Variants in DACH2 observed in about 807,000 individuals in gnomAD.
DACH2 encodes dachshund homolog 2.
Under a neutral mutation model 35.8 loss-of-function variants are expected in DACH2, and 17 were observed. That is an observed-to-expected ratio of 0.48 (90% CI 0.33 to 0.71). The LOEUF is 0.71. Ranked by LOEUF, DACH2 falls within the 30% of genes least tolerant of loss-of-function variation. The pLI, the probability that DACH2 is intolerant of heterozygous loss-of-function variation, is 0.02. For synonymous variants in DACH2, 195 were observed against 177.3 expected (o/e 1.10, Z -0.79); for missense variants, 469 against 472.7 (o/e 0.99, Z 0.07).
chrX:86,311,725 C>T (rs1316597258), intron 1 of DACH2, among the ~76,000 whole-genome samples: 1 of 111,278 alleles, frequency 9.0e-6, no homozygotes, highest in Non-Finnish European at 1.9e-5. Flanking sequence ...TTCCATTGAA[C>T]TGAAAGTTAA....
intron 1 of DACH2, among the ~76,000 whole-genome samples, chrX:86,230,544 T>C (rs1447814443): frequency 9.0e-6 from 1 of 111,456 alleles, no homozygotes; most frequent in African/African-American, 3.3e-5. Context: ...TCTTGTGGAA[T>C]AGTGTCAAAA....
chrX:86,700,156 C>G (rs2041124058), intron 5 of DACH2, among the ~76,000 whole-genome samples: 2 of 110,187 alleles, frequency 1.8e-5, no homozygotes, highest in South Asian at 7.5e-4. Flanking sequence ...TCTCAATTTT[C>G]TGAGATTTTT....
chrX:86,765,702 T>G (rs113155136), intron 7 of DACH2, among the ~76,000 whole-genome samples: 1 of 94,235 alleles, frequency 1.1e-5, no homozygotes, highest in Non-Finnish European at 2.1e-5. Context: ...TTTTTGGTTT[T>G]TTTTTTTTTT....
At chrX:86,334,466 T>C (rs4323619) in intron 1 of DACH2, among the ~76,000 whole-genome samples, 25,791 of 111,277 alleles carry the variant, frequency 0.23, 3,964 homozygotes, top group African/African-American at 0.56. Context: ...TGATGTGAGA[T>C]GGTATCTCAT....
intron 1 of DACH2, among the ~76,000 whole-genome samples, chrX:86,301,358 A>G (rs781139919): frequency 1.2e-4 from 13 of 112,009 alleles, no homozygotes; most frequent in Non-Finnish European, 2.1e-4. Context: ...ATTACTGAAG[A>G]CATTTTAATT....
At chrX:86,719,932 CT>C (rs57079697) in intron 6 of DACH2, among the ~76,000 whole-genome samples, 1 of 75,586 alleles carries the variant, frequency 1.3e-5, no homozygotes, top group Non-Finnish European at 2.4e-5. Context: ...TTTCTTTTTT[CT>C]TTTTTTTTTC....
At chrX:86,699,828 G>A (rs2041118733) in intron 5 of DACH2, among the ~76,000 whole-genome samples, 1 of 111,593 alleles carries the variant, frequency 9.0e-6, no homozygotes, top group Admixed American at 9.6e-5. Context: ...ACTATTTTAT[G>A]TAGGCATATA....
At chrX:86,289,555 A>G (rs1263296553) in intron 1 of DACH2, among the ~76,000 whole-genome samples, 4 of 93,968 alleles carry the variant, frequency 4.3e-5, no homozygotes, top group African/African-American at 1.6e-4. Flanking sequence ...ATATCTCCCA[A>G]TGCTATCCCT....
chrX:86,819,329 C>T, intron 11 of DACH2, among the ~76,000 whole-genome samples: 1 of 110,370 alleles, frequency 9.1e-6, no homozygotes, highest in East Asian at 2.9e-4. Flanking sequence ...ATCCAAATTC[C>T]TATAACTCAG....
intron 3 of DACH2, among the ~76,000 whole-genome samples, chrX:86,563,256 A>C (rs1346725621): frequency 9.0e-6 from 1 of 110,502 alleles, no homozygotes; most frequent in Non-Finnish European, 1.9e-5. Context: ...ACCTAATTTT[A>C]AGGAAATTTT....
chrX:86,161,326 C>G, intron 1 of DACH2: 1 of 1,148,943 alleles, frequency 8.7e-7, no homozygotes, highest in Non-Finnish European at 1.2e-6. Flanking sequence ...ACAGCACAGT[C>G]AACCTGAGAT....
At chrX:86,459,783 C>A (rs774419649) in intron 2 of DACH2, among the ~76,000 whole-genome samples, 1 of 111,110 alleles carries the variant, frequency 9.0e-6, no homozygotes, top group South Asian at 3.8e-4. Context: ...TTTAGCATTT[C>A]TATTCCCAAA....
intron 3 of DACH2, among the ~76,000 whole-genome samples, chrX:86,528,871 G>T (rs1327464445): frequency 1.8e-5 from 2 of 111,976 alleles, no homozygotes; most frequent in Non-Finnish European, 3.8e-5. Flanking sequence ...TGTGTAGAAT[G>T]TGTAATGACC....
chrX:86,533,121 C>G (rs1356411895), intron 3 of DACH2, among the ~76,000 whole-genome samples: 1 of 110,717 alleles, frequency 9.0e-6, no homozygotes, highest in Non-Finnish European at 1.9e-5. Flanking sequence ...ATAGTCATAG[C>G]TCACTGCAGC....
At chrX:86,283,437 A>G (rs1362202441) in intron 1 of DACH2, among the ~76,000 whole-genome samples, 1 of 111,474 alleles carries the variant, frequency 9.0e-6, no homozygotes, top group Non-Finnish European at 1.9e-5. Context: ...ATGTATGTTT[A>G]TTGCAGCACT....
At chrX:86,456,025 C>A (rs967330868) in intron 2 of DACH2, among the ~76,000 whole-genome samples, 5 of 112,235 alleles carry the variant, frequency 4.5e-5, no homozygotes, top group African/African-American at 1.6e-4. Flanking sequence ...TTGGGAGAAG[C>A]ATGGTTTCCC....
chrX:86,480,643 T>C (rs1226783291), intron 2 of DACH2, among the ~76,000 whole-genome samples: 1 of 112,255 alleles, frequency 8.9e-6, no homozygotes, highest in Non-Finnish European at 1.9e-5. Context: ...CTTGTAATAA[T>C]TTTGGATTTA....
chrX:86,233,761 G>A (rs1213318333), intron 1 of DACH2, among the ~76,000 whole-genome samples: 1 of 111,331 alleles, frequency 9.0e-6, no homozygotes, highest in Non-Finnish European at 1.9e-5. Flanking sequence ...TGTGGCAGGA[G>A]GCAAAAGGCA....
At chrX:86,560,346 C>A (rs1442801435) in intron 3 of DACH2, among the ~76,000 whole-genome samples, 1 of 83,730 alleles carries the variant, frequency 1.2e-5, no homozygotes, top group Admixed American at 1.3e-4. Flanking sequence ...GAGGGTAACC[C>A]GACCTTTCTC....
Sources: gnomAD v4.1 joint callset for allele counts (sites outside exome capture counted in the v4.1 genomes callset) on GRCh38, gnomAD v4.1.1 for gene constraint, MANE v1.5 for transcripts, NCBI Gene and HGNC (gene_info 2026-07-23, HGNC 2026-07-21) for gene names.